SPAG16: variants seen among roughly 807,000 people sequenced by gnomAD.
SPAG16 encodes sperm-associated antigen 16 protein.
A neutral mutation model predicts 80.4 loss-of-function variants in SPAG16; 86 were observed. The ratio of observed to expected loss-of-function variants is 1.07; its 90% CI spans 0.90 to 1.28. The LOEUF (loss-of-function observed/expected upper bound fraction) is 1.28. Ranked by LOEUF, SPAG16 falls within the 50% of genes most tolerant of loss-of-function variation. The pLI is 0.00. For synonymous variants in SPAG16, 294 were observed against 265.9 expected (o/e 1.11, Z -1.03); for missense variants, 870 against 765.3 (o/e 1.14, Z -1.61).
At chr2:213,656,406 G>T (rs1407981095) in intron 10 of SPAG16, among the ~76,000 whole-genome samples, 1 of 152,164 alleles carries the variant, frequency 6.6e-6, no homozygotes, top group African/African-American at 2.4e-5. Context: ...TCCTCCGCCC[G>T]CCTCGGCCTC....
At chr2:214,191,783 T>G (rs2057674637) in intron 15 of SPAG16, among the ~76,000 whole-genome samples, 1 of 149,810 alleles carries the variant, frequency 6.7e-6, no homozygotes, top group African/African-American at 2.5e-5. Context: ...AAAAAAGAGT[T>G]CACATAGAAT....
At chr2:213,671,313 G>T (rs2063804695) in intron 10 of SPAG16, among the ~76,000 whole-genome samples, 1 of 152,318 alleles carries the variant, frequency 6.6e-6, no homozygotes, top group Admixed American at 6.5e-5. Context: ...AGGGTAGCAT[G>T]TGATTGAGGT....
intron 10 of SPAG16, among the ~76,000 whole-genome samples, chr2:213,844,866 G>A (rs561901651): frequency 6.6e-6 from 1 of 152,194 alleles, no homozygotes; most frequent in Admixed American, 6.5e-5. Flanking sequence ...GGTTGTCGTA[G>A]GATAATGGTA....
chr2:213,350,652 A>T lies in SPAG16; in HGVS notation c.762+7A>T, dbSNP rs757039715. On this transcript the variant is annotated splice_region_variant and intron_variant, in intron 7 of 15. Transcript: ENST00000331683. ...AGACAAAGTAGTTGGGCAGGTAAAG[A>T]TATAGTCAAAGCTAACTTAAAATGA... 4 of 1,472,180 alleles carry T rather than the reference A, an allele frequency of 2.7e-6. No individual in the cohort carries two copies. In the East Asian group the frequency reaches 9.3e-5, roughly 34 times the overall value. The allele number at this position is 1,472,180 out of a possible 1,614,324, so 91.2% of individuals were successfully genotyped here.
intron 9 of SPAG16, among the ~76,000 whole-genome samples, chr2:213,412,526 T>C (rs1422200920): frequency 6.6e-6 from 1 of 152,260 alleles, no homozygotes; most frequent in East Asian, 1.9e-4. Context: ...AGTTTTATCC[T>C]ATGTTGGTCC....
chr2:213,326,493 T>TA (rs1330088800), intron 5 of SPAG16, among the ~76,000 whole-genome samples: 2 of 152,038 alleles, frequency 1.3e-5, no homozygotes, highest in Non-Finnish European at 2.9e-5. Context: ...TGGACGTGAA[T>TA]ATACCCCTTT....
At chr2:213,919,074 T>G (rs2106200001) in intron 11 of SPAG16, among the ~76,000 whole-genome samples, 1 of 152,280 alleles carries the variant, frequency 6.6e-6, no homozygotes, top group East Asian at 1.9e-4. Flanking sequence ...TCTTATTTAC[T>G]TTTTCAAATA....
chr2:213,913,594 TGTATATGTACATGTAC>T (rs2077790945), intron 11 of SPAG16, among the ~76,000 whole-genome samples: 1 of 7,200 alleles, frequency 1.4e-4, no homozygotes, highest in Non-Finnish European at 8.8e-4. Context: ...TGTACATATA[TGTATATGTACATGTAC>T]ATATATGTAT....
At chr2:213,944,410 A>C (rs1489355259) in intron 12 of SPAG16, among the ~76,000 whole-genome samples, 1 of 152,068 alleles carries the variant, frequency 6.6e-6, no homozygotes, top group Non-Finnish European at 1.5e-5. Context: ...CTTTCTTCTG[A>C]TTTCTCCATT....
chr2:213,286,070 C>T (rs911061804), intron 1 of SPAG16, among the ~76,000 whole-genome samples: 1 of 152,178 alleles, frequency 6.6e-6, no homozygotes, highest in Non-Finnish European at 1.5e-5. Context: ...CAACTTTCAG[C>T]AATGAAAATC....
At chr2:213,707,288 T>C (rs1427844848) in intron 10 of SPAG16, among the ~76,000 whole-genome samples, 2 of 152,218 alleles carry the variant, frequency 1.3e-5, no homozygotes, top group Non-Finnish European at 2.9e-5. Flanking sequence ...TCATGAATCA[T>C]GTTCAAGCCA....
intron 9 of SPAG16, among the ~76,000 whole-genome samples, chr2:213,455,689 C>T (rs1468790130): frequency 6.6e-6 from 1 of 152,180 alleles, no homozygotes; most frequent in Admixed American, 6.5e-5. Context: ...CCCTCACATG[C>T]ACAGTTCACA....
intron 15 of SPAG16, among the ~76,000 whole-genome samples, chr2:214,372,547 A>T (rs1384233142): frequency 6.6e-6 from 1 of 152,172 alleles, no homozygotes; most frequent in Non-Finnish European, 1.5e-5. Context: ...TTAAGACTCC[A>T]ATTTTTTGTT....
At chr2:214,257,982 A>T (rs1397264228) in intron 15 of SPAG16, among the ~76,000 whole-genome samples, 2 of 152,138 alleles carry the variant, frequency 1.3e-5, no homozygotes, top group African/African-American at 4.8e-5. Flanking sequence ...AATATATAAT[A>T]GATGTAGAGC....
intron 13 of SPAG16, among the ~76,000 whole-genome samples, chr2:214,045,909 G>A (rs2049294461): frequency 6.6e-6 from 1 of 151,842 alleles, no homozygotes; most frequent in Non-Finnish European, 1.5e-5. Flanking sequence ...AAAGATCAAT[G>A]GAACAAAAAG....
intron 9 of SPAG16, among the ~76,000 whole-genome samples, chr2:213,472,874 A>G (rs767950127): frequency 6.6e-6 from 1 of 152,186 alleles, no homozygotes; most frequent in East Asian, 1.9e-4. Flanking sequence ...CCTTCCTCCA[A>G]TGCACAGTTA....
At chr2:213,803,035 T>A (rs536862932) in intron 10 of SPAG16, among the ~76,000 whole-genome samples, 1 of 152,126 alleles carries the variant, frequency 6.6e-6, no homozygotes, top group Non-Finnish European at 1.5e-5. Context: ...TTTTTTTTTG[T>A]ATAACCTATA....
intron 10 of SPAG16, among the ~76,000 whole-genome samples, chr2:213,812,948 T>C (rs2072272232): frequency 6.6e-6 from 1 of 152,110 alleles, no homozygotes; most frequent in Non-Finnish European, 1.5e-5. Context: ...TTTTAAAAGA[T>C]TAAGAAACAG....
At position 214,401,507 on chromosome 2, in the gene SPAG16, A is replaced by T. The variant is rs536846360; in HGVS notation, c.1721-8633A>T. On this transcript the variant is annotated intron_variant, in intron 15 of 15. Coordinates refer to ENST00000331683, the MANE Select transcript of SPAG16 (RefSeq NM_024532.5). ...TCTGTGTATGAGACTCATTTGAATA[A>T]AATATAAAATGAGTATTTTGTTTCT... Among the ~76,000 whole-genome samples the T allele has an allele frequency of 5.3e-5, 8 of 152,100 alleles. No homozygotes were observed. In the East Asian group the frequency reaches 1.5e-3, roughly 29 times the overall value.
Sources: gnomAD v4.1 joint callset for allele counts (sites outside exome capture counted in the v4.1 genomes callset) on GRCh38, gnomAD v4.1.1 for gene constraint, MANE v1.5 for transcripts, NCBI Gene and HGNC (gene_info 2026-07-23, HGNC 2026-07-21) for gene names.